Variants in CDH18 observed in about 807,000 individuals in gnomAD.
CDH18 encodes cadherin 18, also known as cadherin-18.
CDH18 carries 31 observed loss-of-function variants against 67.9 expected under a neutral mutation model. That is an observed-to-expected ratio of 0.46 (90% CI 0.34 to 0.62). The LOEUF (loss-of-function observed/expected upper bound fraction) is 0.62, where lower values mean the gene tolerates loss of function less well. Ranked by LOEUF, CDH18 falls within the 20% of genes least tolerant of loss-of-function variation. The pLI is 0.01. For missense variants in CDH18, 890 were observed against 975.5 expected, an observed-to-expected ratio of 0.91 and a Z score of 1.17; for synonymous variants, 362 against 347.2, an observed-to-expected ratio of 1.04 and a Z score of -0.48.
chr5:20,490,646 G>C (rs1753534510), intron 1 of CDH18, among the ~76,000 whole-genome samples: 1 of 152,152 alleles, frequency 6.6e-6, no homozygotes, highest in Non-Finnish European at 1.5e-5. Flanking sequence ...TACATAGATA[G>C]AGGCTGCAAT....
chr5:20,408,676 G>T (rs944480017), intron 1 of CDH18, among the ~76,000 whole-genome samples: 2 of 151,550 alleles, frequency 1.3e-5, no homozygotes, highest in African/African-American at 4.8e-5. Flanking sequence ...GGGGAAAAAA[G>T]TGCCTAAGAA....
intron 5 of CDH18, among the ~76,000 whole-genome samples, chr5:19,630,927 G>A (rs1752332038): frequency 6.6e-6 from 1 of 152,040 alleles, no homozygotes; most frequent in South Asian, 2.1e-4. Flanking sequence ...ATGAGGCATT[G>A]ATTTAGTTAT....
chr5:19,482,367 C>G (rs1009016270), intron 12 of CDH18, among the ~76,000 whole-genome samples: 1 of 152,054 alleles, frequency 6.6e-6, no homozygotes, highest in Non-Finnish European at 1.5e-5. Flanking sequence ...CCGCCCGCCT[C>G]GGCCTCCCAA....
At chr5:19,733,501 A>G (rs754470680) in intron 4 of CDH18, among the ~76,000 whole-genome samples, 12 of 152,058 alleles carry the variant, frequency 7.9e-5, no homozygotes, top group Non-Finnish European at 1.5e-4. Context: ...TCACTCAATA[A>G]AATTCTCTGC....
At chr5:19,820,693 G>T (rs1397260346) in intron 3 of CDH18, among the ~76,000 whole-genome samples, 1 of 152,188 alleles carries the variant, frequency 6.6e-6, no homozygotes, top group Admixed American at 6.5e-5. Context: ...TTTGGAAGGG[G>T]TTCCCCCAAG....
intron 1 of CDH18, among the ~76,000 whole-genome samples, chr5:20,362,585 A>G (rs987003688): frequency 6.6e-6 from 1 of 152,154 alleles, no homozygotes; most frequent in Non-Finnish European, 1.5e-5. Context: ...ATCACTGACA[A>G]GCTACAAAGT....
intron 2 of CDH18, among the ~76,000 whole-genome samples, chr5:20,114,795 C>G (rs1446351301): frequency 6.6e-6 from 1 of 152,168 alleles, no homozygotes; most frequent in East Asian, 1.9e-4. Flanking sequence ...ATTTCCTGCC[C>G]TCCCTCTCTC....
intron 1 of CDH18, among the ~76,000 whole-genome samples, chr5:20,416,331 A>G (rs1369711654): frequency 1.3e-5 from 2 of 152,160 alleles, no homozygotes; most frequent in African/African-American, 2.4e-5. Flanking sequence ...CTGTTCTATT[A>G]ATAGAGAAAT....
intron 5 of CDH18, among the ~76,000 whole-genome samples, chr5:19,634,061 T>C (rs1229586134): frequency 1.3e-5 from 2 of 152,214 alleles, no homozygotes; most frequent in African/African-American, 2.4e-5. Flanking sequence ...GGGAATTTGC[T>C]AGTGATCAAA....
intron 2 of CDH18, among the ~76,000 whole-genome samples, chr5:19,923,408 T>A (rs1792727725): frequency 6.6e-6 from 1 of 152,208 alleles, no homozygotes; most frequent in Non-Finnish European, 1.5e-5. Flanking sequence ...TGTTGCTTGA[T>A]ACCGGTAAGT....
intron 1 of CDH18, among the ~76,000 whole-genome samples, chr5:20,255,994 C>A (rs2126614081): frequency 6.6e-6 from 1 of 151,384 alleles, no homozygotes; most frequent in African/African-American, 2.4e-5. Flanking sequence ...GAATAGAAAT[C>A]CAAGAAACAA....
intron 1 of CDH18, among the ~76,000 whole-genome samples, chr5:20,428,409 G>A (rs917235050): frequency 6.6e-6 from 1 of 152,150 alleles, no homozygotes; most frequent in African/African-American, 2.4e-5. Context: ...AAACATATAT[G>A]TGCATAGGTC....
intron 2 of CDH18, among the ~76,000 whole-genome samples, chr5:20,221,056 G>T (rs1741181466): frequency 6.6e-6 from 1 of 152,038 alleles, no homozygotes; most frequent in Admixed American, 6.6e-5. Context: ...AGGGAGAACA[G>T]TTTGGACATT....
At chr5:20,107,776 T>A (rs1475269952) in intron 2 of CDH18, among the ~76,000 whole-genome samples, 1 of 152,028 alleles carries the variant, frequency 6.6e-6, no homozygotes, top group Non-Finnish European at 1.5e-5. Context: ...TATTTTATTA[T>A]TATTATACTT....
intron 3 of CDH18, among the ~76,000 whole-genome samples, chr5:19,777,487 T>C (rs1263669813): frequency 6.6e-6 from 1 of 152,144 alleles, no homozygotes; most frequent in Non-Finnish European, 1.5e-5. Context: ...CTAAATAACC[T>C]GAGACAACCA....
chr5:20,200,545 G>A (rs1383809701), intron 2 of CDH18, among the ~76,000 whole-genome samples: 1 of 152,030 alleles, frequency 6.6e-6, no homozygotes, highest in Non-Finnish European at 1.5e-5. Flanking sequence ...GCTTGGTGGT[G>A]TGTATCTGTA....
At chr5:20,140,617 C>A (rs955875875) in intron 2 of CDH18, among the ~76,000 whole-genome samples, 1 of 152,104 alleles carries the variant, frequency 6.6e-6, no homozygotes, top group African/African-American at 2.4e-5. Flanking sequence ...TTTGAGTACT[C>A]CAATCAGTTT....
At chr5:20,255,790 A>G (rs1229945660) in intron 1 of CDH18, among the ~76,000 whole-genome samples, 1 of 152,092 alleles carries the variant, frequency 6.6e-6, no homozygotes, top group Non-Finnish European at 1.5e-5. Flanking sequence ...ATGTCACGAC[A>G]TAAAGAAGTT....
chr5:20,026,900 T>TG (rs1173834405), intron 2 of CDH18, among the ~76,000 whole-genome samples: 2 of 151,836 alleles, frequency 1.3e-5, no homozygotes, highest in African/African-American at 4.8e-5. Flanking sequence ...GAGCTTGCAG[T>TG]GAGCTGAGAT....
Sources: allele counts gnomAD v4.1 joint callset (sites outside exome capture counted in the v4.1 genomes callset), GRCh38; gene constraint gnomAD v4.1.1; transcripts MANE v1.5; gene names NCBI Gene and HGNC (gene_info 2026-07-23, HGNC 2026-07-21).